The following CAB39 variants were observed in gnomAD, a reference collection of about 807,000 sequenced individuals.
CAB39 encodes the protein calcium-binding protein 39.
In CAB39, 8 loss-of-function variants were observed where a neutral mutation model predicts 40.0. That is an observed-to-expected ratio of 0.20 (90% CI 0.12 to 0.36). The LOEUF (loss-of-function observed/expected upper bound fraction) is 0.36. Among genes scored for constraint, CAB39 ranks in the 10% least tolerant of loss-of-function variants. CAB39 has a pLI of 1.00. For synonymous variants in CAB39, 156 were observed against 141.6 expected, an observed-to-expected ratio of 1.10 and a Z score of -0.72; for missense variants, 270 against 401.1, an observed-to-expected ratio of 0.67 and a Z score of 2.79.
chr2:230,760,260 A>G (rs886416996), intron 2 of CAB39, 145 bp downstream of exon 2: 2 of 516,456 alleles, frequency 3.9e-6, no homozygotes, highest in African/African-American at 3.9e-5. Context: ...CTGTTGCAAC[A>G]TACTTTTTCT....
At chr2:230,780,301 A>G (rs1417886650) in intron 2 of CAB39, among the ~76,000 whole-genome samples, 2 of 152,214 alleles carry the variant, frequency 1.3e-5, no homozygotes, top group Admixed American at 6.5e-5. Flanking sequence ...GCCTCCCTAA[A>G]TGTTAACGTC....
In CAB39 at chr2:230,712,860, C is replaced by T. The variant is rs1314313660; in HGVS notation, c.-414C>T. On this transcript the variant is annotated 5_prime_UTR_variant, in exon 1 of 9. Coordinates refer to ENST00000258418, the MANE Select transcript of CAB39 (RefSeq NM_016289.4). ...CGGCTGCGCAGTGCGCACGTCAAAG[C>T]CGGGCTCGGGCCGCAAGCGGGGCGA... 2 of 152,002 alleles carry T rather than the reference C, an allele frequency of 1.3e-5. No homozygotes were observed. Among genetic ancestry groups the T allele is most frequent in the South Asian group, 2.1e-4 (1 of 4,840 alleles). 9.4% of individuals were successfully genotyped at this position (152,002 alleles called of 1,614,324 possible). A position where few individuals can be genotyped will look rare whatever the true frequency, so the allele number is the denominator to read the frequency against.
intron 1 of CAB39, among the ~76,000 whole-genome samples, chr2:230,753,286 A>G (rs976988387): frequency 6.6e-6 from 1 of 152,138 alleles, no homozygotes; most frequent in Non-Finnish European, 1.5e-5. Flanking sequence ...AGCCCCCCAC[A>G]TACCACCACT....
At chr2:230,792,535 A>G (rs1559612605) in intron 3 of CAB39, among the ~76,000 whole-genome samples, 1 of 152,110 alleles carries the variant, frequency 6.6e-6, no homozygotes, top group Non-Finnish European at 1.5e-5. Context: ...CCAGTTCTCC[A>G]TTTGTTGATT....
chr2:230,776,878 G>A (rs1467337475), intron 2 of CAB39, among the ~76,000 whole-genome samples: 1 of 152,076 alleles, frequency 6.6e-6, no homozygotes, highest in Non-Finnish European at 1.5e-5. Context: ...TAGTTGAGAC[G>A]GGGTTTCACC....
intron 1 of CAB39, among the ~76,000 whole-genome samples, chr2:230,729,772 G>C (rs1694654553): frequency 6.6e-6 from 1 of 151,964 alleles, no homozygotes; most frequent in African/African-American, 2.4e-5. Context: ...TAGTAAGATG[G>C]TTTTATACCA....
chr2:230,817,272 G>A (rs1036770642), intron 7 of CAB39, among the ~76,000 whole-genome samples: 1 of 152,176 alleles, frequency 6.6e-6, no homozygotes, highest in African/African-American at 2.4e-5. Context: ...TGTGGCATGT[G>A]CAGGGTACAC....
intron 1 of CAB39, among the ~76,000 whole-genome samples, chr2:230,749,551 G>A (rs1198450423): frequency 1.3e-5 from 2 of 151,868 alleles, no homozygotes; most frequent in South Asian, 2.1e-4. Flanking sequence ...TTAGCAAATC[G>A]CTCTGCATGT....
chr2:230,771,957 A>G (rs2124932192), intron 2 of CAB39, among the ~76,000 whole-genome samples: 1 of 152,362 alleles, frequency 6.6e-6, no homozygotes, highest in African/African-American at 2.4e-5. Context: ...ACATAGCCAA[A>G]TGTAAGACCT....
intron 2 of CAB39, among the ~76,000 whole-genome samples, chr2:230,775,089 A>G (rs1695562255): frequency 6.6e-6 from 1 of 152,278 alleles, no homozygotes; most frequent in Middle Eastern, 3.4e-3. Context: ...AGTAAATATA[A>G]ATGGGTAAAT....
chr2:230,725,355 C>A, intron 1 of CAB39: 1 of 1,593,770 alleles, frequency 6.3e-7, no homozygotes, highest in Non-Finnish European at 8.6e-7. Context: ...ACTGGCTTCT[C>A]CCCCATGGGC....
rs563308448 is a variant in CAB39, at chr2:230,801,426, T to C, written c.567+2529T>C. The stretch of plus-strand genomic sequence containing the variant: ...CTCCTGTTTGCAGAGCATATTCTTA[T>C]AATGGAAAAGAAGAATAGATCTATG... On this transcript the variant is annotated intron_variant, in intron 5 of 8. Transcript: ENST00000258418. Among the ~76,000 whole-genome samples the C allele has an allele frequency of 2.6e-5, 4 of 152,340 alleles. No individual in the cohort carries two copies. In the South Asian group the frequency reaches 8.3e-4, roughly 32 times the overall value.
At chr2:230,774,120 A>AAAG (rs1410308303) in intron 2 of CAB39, among the ~76,000 whole-genome samples, 2 of 152,214 alleles carry the variant, frequency 1.3e-5, no homozygotes, top group African/African-American at 4.8e-5. Context: ...ACTTTGACTC[A>AAAG]TTATATTAGA....
intron 1 of CAB39, among the ~76,000 whole-genome samples, chr2:230,723,739 C>A (rs1484956084): frequency 2.6e-5 from 4 of 152,208 alleles, no homozygotes; most frequent in Non-Finnish European, 4.4e-5. Flanking sequence ...TTGCCCTGCC[C>A]TCTCCATGCC....
chr2:230,783,071 G>A (rs903818598), intron 2 of CAB39, among the ~76,000 whole-genome samples: 6 of 151,766 alleles, frequency 4.0e-5, no homozygotes, highest in South Asian at 2.1e-4. Context: ...CTCGTGATTC[G>A]CCCGCCTCGG....
intron 2 of CAB39, among the ~76,000 whole-genome samples, chr2:230,762,190 G>C (rs1164057635): frequency 6.6e-6 from 1 of 152,150 alleles, no homozygotes; most frequent in African/African-American, 2.4e-5. Context: ...TTACAGGTGT[G>C]AACCACCGTG....
intron 1 of CAB39, among the ~76,000 whole-genome samples, chr2:230,722,809 AG>A (rs1694477468): frequency 6.6e-6 from 1 of 152,242 alleles, no homozygotes; most frequent in African/African-American, 2.4e-5. Context: ...CTCCAAGTAA[AG>A]CTAGACTCTT....
rs10006 is a variant in CAB39, at chr2:230,820,490, T to C, written c.*1786T>C. On this transcript the variant is annotated 3_prime_UTR_variant, in exon 9 of 9. Coordinates refer to ENST00000258418, the MANE Select transcript of CAB39 (RefSeq NM_016289.4). ...ATCTAGTCTCCTTGAAAAAAAAATC[T>C]CTTGGATGTTTAGGAAGGAAGACTT... The C allele has an allele frequency of 0.24, 35,907 of 152,078 alleles. 4,432 individuals carry two copies. Among genetic ancestry groups the C allele is most frequent in the African/African-American group, 0.29 (11,880 of 41,454 alleles). 9.4% of individuals were successfully genotyped at this position (152,078 alleles called of 1,614,324 possible). A position where few individuals can be genotyped will look rare whatever the true frequency, so the allele number is the denominator to read the frequency against.
At chr2:230,728,471 A>G (rs1005195434) in intron 1 of CAB39, among the ~76,000 whole-genome samples, 17 of 151,886 alleles carry the variant, frequency 1.1e-4, no homozygotes, top group African/African-American at 3.9e-4. Context: ...CACCATGCCC[A>G]GCTAATTTTT....
Sources: allele counts gnomAD v4.1 joint callset (sites outside exome capture counted in the v4.1 genomes callset), GRCh38; gene constraint gnomAD v4.1.1; transcripts MANE v1.5; gene names NCBI Gene and HGNC (gene_info 2026-07-23, HGNC 2026-07-21).